The following CRTAP variants were observed in gnomAD, a reference collection of about 807,000 sequenced individuals.
CRTAP encodes cartilage associated protein, also known as cartilage-associated protein.
Under a neutral mutation model 42.7 loss-of-function variants are expected in CRTAP, and 33 were observed. That is an observed-to-expected ratio of 0.77 (90% CI 0.59 to 1.03). The LOEUF is 1.03. Ranked by LOEUF, CRTAP falls within the 50% of genes least tolerant of loss-of-function variation. The pLI is 0.00. For synonymous variants in CRTAP, 243 were observed against 217.7 expected, an observed-to-expected ratio of 1.12 and a Z score of -1.02; for missense variants, 613 against 533.9, an observed-to-expected ratio of 1.15 and a Z score of -1.46.
chr3:33,118,638 A>G (rs1701375517), intron 1 of CRTAP, among the ~76,000 whole-genome samples: 1 of 152,216 alleles, frequency 6.6e-6, no homozygotes, highest in Non-Finnish European at 1.5e-5. Flanking sequence ...TTCTCTGTCT[A>G]AACCGAATTC....
At chr3:33,137,119 G>A (rs1229654214) in intron 6 of CRTAP, among the ~76,000 whole-genome samples, 1 of 151,760 alleles carries the variant, frequency 6.6e-6, no homozygotes, top group Non-Finnish European at 1.5e-5. Flanking sequence ...TTTCATTGTG[G>A]TTCTGACTTC....
intron 1 of CRTAP, 75 bp downstream of exon 1, chr3:33,114,623 C>CCCA: frequency 7.2e-7 from 1 of 1,390,274 alleles, no homozygotes; most frequent in Non-Finnish European, 9.8e-7. Context: ...CCCGCCCCTG[C>CCCA]GCCCGGGGCC....
At chr3:33,116,751 A>G (rs769528886) in intron 1 of CRTAP, among the ~76,000 whole-genome samples, 7 of 152,202 alleles carry the variant, frequency 4.6e-5, no homozygotes, top group Non-Finnish European at 8.8e-5. Flanking sequence ...AATTGTTTCA[A>G]TGGAAGATAT....
At chr3:33,115,591 C>T (rs1263147712) in intron 1 of CRTAP, among the ~76,000 whole-genome samples, 1 of 152,022 alleles carries the variant, frequency 6.6e-6, no homozygotes, top group Non-Finnish European at 1.5e-5. Context: ...GCTAAAAGAG[C>T]CCTCTCAAAG....
rs1312352365 is a variant in CRTAP, at chr3:33,147,218, C to G, written c.*4770C>G. On this transcript the variant is annotated 3_prime_UTR_variant, in exon 7 of 7. Coordinates refer to ENST00000320954, the MANE Select transcript of CRTAP (RefSeq NM_006371.5). ...GTTTTATGCATTGGACTTCCTGTGC[C>G]TGCCCCCAGGGGCAAGACTGATCCC... 6.5e-6 allele frequency: 1 copy of G among 152,844 alleles called. No homozygotes were observed. The highest frequency in any genetic ancestry group is 1.5e-5 in the Non-Finnish European group (1 of 68,176). The allele number at this position is 152,844 out of a possible 1,614,324, so 9.5% of individuals were successfully genotyped here.
At chr3:33,125,440 G>GT (rs1184905992) in intron 3 of CRTAP, among the ~76,000 whole-genome samples, 686 of 30,068 alleles carry the variant, frequency 0.023, 3 homozygotes, top group Middle Eastern at 0.058. Flanking sequence ...TTTCGGTTTT[G>GT]TTTTTTTTTT....
chr3:33,141,071 T>A (rs1484181801), intron 6 of CRTAP, among the ~76,000 whole-genome samples: 1 of 152,196 alleles, frequency 6.6e-6, no homozygotes, highest in Non-Finnish European at 1.5e-5. Context: ...CTGCTAGCCA[T>A]TAGCAAGCAG....
chr3:33,139,059 G>A lies in CRTAP; in HGVS notation c.1153-3336G>A, dbSNP rs138778950. 7.5e-4 allele frequency among the ~76,000 whole-genome samples: 114 copies of A among 152,160 alleles called. 1 individual carries two copies. The East Asian group carries it at 0.019, about 25-fold the overall frequency. On this transcript the variant is annotated intron_variant, in intron 6 of 6. Transcript: ENST00000320954. ...CTCAGGAGGCTGAGGCAAGAGAATCGCTTGTACCCAGGAGGTGGAGGTTGC... is the reference window on the plus strand; with the variant it reads ...CTCAGGAGGCTGAGGCAAGAGAATCACTTGTACCCAGGAGGTGGAGGTTGC...
Position 33,114,051 on chromosome 3 carries a change from C to G in CRTAP, c.-27C>G. Reference sequence around the variant, plus strand: ...CCTCCCCTTTTCCCTTCCTTCGTCCCTTCCTTCCTTCCTTTCGCCGGGCGC... The same window carrying G: ...CCTCCCCTTTTCCCTTCCTTCGTCCGTTCCTTCCTTCCTTTCGCCGGGCGC... On this transcript the variant is annotated 5_prime_UTR_variant, in exon 1 of 7. Transcript: ENST00000320954. 2 of 1,356,636 alleles carry G rather than the reference C, an allele frequency of 1.5e-6. No homozygotes were observed. Among genetic ancestry groups the G allele is most frequent in the Non-Finnish European group, 1.9e-6 (2 of 1,030,078 alleles). 84.0% of individuals were successfully genotyped at this position (1,356,636 alleles called of 1,614,324 possible).
rs529334929 is a variant in CRTAP, at chr3:33,143,483, T to C, written c.*1035T>C. ...AGCCAGAGCTGTCTAGTTTCATTCA[T>C]TCTTTCAGTAAATATTTATTGAGTA... On this transcript the variant is annotated 3_prime_UTR_variant, in exon 7 of 7. Coordinates refer to ENST00000320954, the MANE Select transcript of CRTAP (RefSeq NM_006371.5). 1 of 152,376 alleles carries C rather than the reference T, an allele frequency of 6.6e-6. No homozygotes were observed. The highest frequency in any genetic ancestry group is 2.1e-4 in the South Asian group (1 of 4,832). 9.4% of individuals were successfully genotyped at this position (152,376 alleles called of 1,614,324 possible).
At chr3:33,118,916 C>T (rs1386315062) in intron 1 of CRTAP, among the ~76,000 whole-genome samples, 1 of 152,220 alleles carries the variant, frequency 6.6e-6, no homozygotes, top group East Asian at 1.9e-4. Context: ...CCGGGGCCCG[C>T]AGCCCTGCTG....
chr3:33,131,121 G>A (rs905003453), intron 4 of CRTAP, among the ~76,000 whole-genome samples: 3 of 152,166 alleles, frequency 2.0e-5, no homozygotes. Context: ...GTCTAGCGGT[G>A]GCAGGTTTCT....
Position 33,147,702 on chromosome 3 carries a change from A to G in CRTAP, c.*5254A>G, listed in dbSNP as rs1221128202. The G allele has an allele frequency of 6.6e-6, 1 of 152,212 alleles. No individual in the cohort carries two copies. Among genetic ancestry groups the G allele is most frequent in the Admixed American group, 6.5e-5 (1 of 15,286 alleles). The allele number at this position is 152,212 out of a possible 1,614,324, so 9.4% of individuals were successfully genotyped here. ...ATGTACAAGCTCACTCTTGTTGAAA[A>G]TTAGAAAATAGTTGAAAACAAAAGG... On this transcript the variant is annotated 3_prime_UTR_variant, in exon 7 of 7. Transcript: ENST00000320954.
Position 33,120,465 on chromosome 3 carries a change from T to A in CRTAP, c.593T>A (p.Ile198Asn). ...YKSLPGAEDY[I>N]KDLETKSYES... is the part of the protein sequence containing the mutation. ...AGCCTGCCTGGTGCCGAGGACTACA[T>A]TAAAGACCTGGAAACCAAGTCATAT... Residue 198 changes from isoleucine to asparagine, a missense_variant, in exon 2 of 7, where the codon ATT (isoleucine) becomes AAT (asparagine). Transcript: ENST00000320954. The A allele has an allele frequency of 6.2e-7, 1 of 1,612,016 alleles. No individual in the cohort carries two copies. The highest frequency in any genetic ancestry group is 8.5e-7 in the Non-Finnish European group (1 of 1,178,118).
chr3:33,117,057 T>G (rs1368800741), intron 1 of CRTAP, among the ~76,000 whole-genome samples: 1 of 152,196 alleles, frequency 6.6e-6, no homozygotes, highest in African/African-American at 2.4e-5. Context: ...CAGTGAGCTG[T>G]GATCTTACCA....
chr3:33,119,928 A>G (rs1198398202), intron 1 of CRTAP, among the ~76,000 whole-genome samples: 2 of 152,220 alleles, frequency 1.3e-5, no homozygotes, highest in Non-Finnish European at 2.9e-5. Context: ...ATTAAGGGAC[A>G]TAGCAGCCCA....
chr3:33,133,128 ATC>A (rs1243637476), intron 5 of CRTAP, among the ~76,000 whole-genome samples: 2 of 152,192 alleles, frequency 1.3e-5, no homozygotes, highest in Admixed American at 6.5e-5. Flanking sequence ...TGATTTCTGA[ATC>A]TGTAAAAACT....
In CRTAP at chr3:33,142,610, C is replaced by T; in HGVS notation, c.*162C>T. On this transcript the variant is annotated 3_prime_UTR_variant, in exon 7 of 7. Transcript: ENST00000320954. ...TAACTGCATGTCATCAGGGGTGAGC[C>T]TGCCTTTCCTATCTTCACACCTGCC... 1 of 640,494 alleles carries T rather than the reference C, an allele frequency of 1.6e-6. No homozygotes were observed. The highest frequency in any genetic ancestry group is 2.7e-6 in the Non-Finnish European group (1 of 365,978). The allele number at this position is 640,494 out of a possible 1,614,324, so 39.7% of individuals were successfully genotyped here.
Position 33,114,354 on chromosome 3 carries a change from C to A in CRTAP, c.277C>A (p.Gln93Lys). Residue 93 changes from glutamine to lysine, a missense_variant, in exon 1 of 7, where the codon CAG becomes AAG. Coordinates refer to ENST00000320954, the MANE Select transcript of CRTAP (RefSeq NM_006371.5). ...FCHRNCSAAPQPEPAAGLASY... is the reference protein window; with the variant it reads ...FCHRNCSAAPKPEPAAGLASY... ...CCACCGCAACTGCAGCGCCGCGCCG[C>A]AGCCCGAGCCCGCCGCCGGCCTCGC... 6.6e-7 allele frequency: 1 copy of A among 1,523,038 alleles called. No homozygotes were observed. The highest frequency in any genetic ancestry group is 8.8e-7 in the Non-Finnish European group (1 of 1,141,914). The allele number at this position is 1,523,038 out of a possible 1,614,324, so 94.3% of individuals were successfully genotyped here. A position where few individuals can be genotyped will look rare whatever the true frequency, so the allele number is the denominator to read the frequency against.
Sources: gnomAD v4.1 joint callset for allele counts (sites outside exome capture counted in the v4.1 genomes callset) on GRCh38, gnomAD v4.1.1 for gene constraint, MANE v1.5 for transcripts, NCBI Gene and HGNC (gene_info 2026-07-23, HGNC 2026-07-21) for gene names.